C1orf146: variants seen among roughly 807,000 people sequenced by gnomAD.
The protein encoded by C1orf146 is protein SPO16 homolog.
C1orf146 carries 22 observed loss-of-function variants against 23.0 expected under a neutral mutation model. The observed-to-expected ratio is 0.96, with a 90% CI of 0.68 to 1.36. The LOEUF is 1.36. C1orf146 is among the 40% of genes most tolerant of loss of function. The probability of loss-of-function intolerance (pLI) is 0.00; values close to 1 mark genes in which losing one functional copy is unlikely to be tolerated. For synonymous variants in C1orf146, 59 were observed against 65.3 expected (o/e 0.90, Z 0.47); for missense variants, 199 against 206.8 (o/e 0.96, Z 0.23).
intron 1 of C1orf146, among the ~76,000 whole-genome samples, chr1:92,229,667 T>C (rs570606229): frequency 1.3e-5 from 2 of 152,304 alleles, no homozygotes; most frequent in Non-Finnish European, 2.9e-5. Flanking sequence ...AATGAAAAGA[T>C]TGATAAATTT....
chr1:92,230,799 C>T (rs1228368616), intron 1 of C1orf146, among the ~76,000 whole-genome samples: 1 of 151,972 alleles, frequency 6.6e-6, no homozygotes, highest in Non-Finnish European at 1.5e-5. Context: ...TCAGGTCCTA[C>T]CTCACATATT....
chr1:92,238,583 T>A (rs1422476821), intron 2 of C1orf146, among the ~76,000 whole-genome samples: 1 of 152,106 alleles, frequency 6.6e-6, no homozygotes, highest in East Asian at 1.9e-4. Flanking sequence ...TTTTCTCAAT[T>A]CAATACTTTC....
chr1:92,225,743 A>G (rs1292356664), intron 1 of C1orf146, among the ~76,000 whole-genome samples: 1 of 152,196 alleles, frequency 6.6e-6, no homozygotes, highest in Non-Finnish European at 1.5e-5. Context: ...TTCCTGATAT[A>G]TTGACCTTTT....
rs558638441 is a variant in C1orf146, at chr1:92,241,898, C to G, written c.67-314C>G. Reference sequence around the variant, plus strand: ...CAACAAAGTGAGACTTCATCTGTCTCTAAAAAAGAAAAAGAAATTTGCATT... The same window carrying G: ...CAACAAAGTGAGACTTCATCTGTCTGTAAAAAAGAAAAAGAAATTTGCATT... On this transcript the variant is annotated intron_variant, in intron 2 of 5. Transcript: ENST00000370375. Among the ~76,000 whole-genome samples, 3 of 152,170 alleles carry G rather than the reference C, an allele frequency of 2.0e-5. No homozygotes were observed. In the South Asian group the frequency reaches 6.2e-4, roughly 32 times the overall value.
intron 2 of C1orf146, among the ~76,000 whole-genome samples, chr1:92,241,511 G>T (rs1652431579): frequency 6.6e-6 from 1 of 151,332 alleles, no homozygotes; most frequent in African/African-American, 2.4e-5. Flanking sequence ...GTTTTTTGAG[G>T]TAGAGTCTTG....
In C1orf146 at chr1:92,239,651, C is replaced by T. The variant is rs141855426; in HGVS notation, c.67-2561C>T. Among the ~76,000 whole-genome samples, 273 of 151,848 alleles carry T rather than the reference C, an allele frequency of 1.8e-3. 3 individuals are homozygous for T. The highest frequency in any genetic ancestry group is 6.1e-3 in the African/African-American group (250 of 41,278). On this transcript the variant is annotated intron_variant, in intron 2 of 5. Coordinates refer to ENST00000370375, the MANE Select transcript of C1orf146 (RefSeq NM_001012425.2). Reference sequence around the variant, plus strand: ...CCTGTAATTCTAGCTACTTGGGAGGCTGAGGCAGGAGAATCATTTGAATCT... The same window carrying T: ...CCTGTAATTCTAGCTACTTGGGAGGTTGAGGCAGGAGAATCATTTGAATCT...
Position 92,245,646 on chromosome 1 carries a change from T to C in C1orf146, c.515T>C (p.Leu172Pro). 1 of 1,589,964 alleles carries C rather than the reference T, an allele frequency of 6.3e-7. No homozygotes were observed. Among genetic ancestry groups the C allele is most frequent in the Non-Finnish European group, 8.5e-7 (1 of 1,172,214 alleles). ...TGGAAAACACTTCAGAAGATAAAACTGAATAGTGATTCAGTTAACCCAAAT... is the reference window on the plus strand; with the variant it reads ...TGGAAAACACTTCAGAAGATAAAACCGAATAGTGATTCAGTTAACCCAAAT... ...PVWKTLQKIK[L>P]NSDSVNPN The change falls in exon 6 of 6, where the codon CTG becomes CCG. Residue 172 changes from leucine to proline, a missense_variant. Coordinates refer to ENST00000370375, the MANE Select transcript of C1orf146 (RefSeq NM_001012425.2).
chr1:92,217,993 G>A lies in C1orf146; in HGVS notation c.-95G>A, dbSNP rs942072625. ...ACCGGCGGCGCCTCTCACTGCTCACGGAACGTTCTGGAAGTTTGGGAAACC... is the reference window on the plus strand; with the variant it reads ...ACCGGCGGCGCCTCTCACTGCTCACAGAACGTTCTGGAAGTTTGGGAAACC... On this transcript the variant is annotated 5_prime_UTR_variant, in exon 1 of 6. Transcript: ENST00000370375. The A allele has an allele frequency of 6.6e-6, 1 of 152,290 alleles. No individual in the cohort carries two copies. Among genetic ancestry groups the A allele is most frequent in the Non-Finnish European group, 1.5e-5 (1 of 68,100 alleles). 9.4% of individuals were successfully genotyped at this position (152,290 alleles called of 1,614,324 possible).
chr1:92,226,439 C>T (rs1432723973), intron 1 of C1orf146, among the ~76,000 whole-genome samples: 1 of 151,656 alleles, frequency 6.6e-6, no homozygotes, highest in Non-Finnish European at 1.5e-5. Context: ...ACACTTGACC[C>T]AATAATATAA....
chr1:92,240,610 GAAAAT>G (rs1241088542), intron 2 of C1orf146: 1 of 154,320 alleles, frequency 6.5e-6, no homozygotes, highest in Non-Finnish European at 1.4e-5. Context: ...AGGCAAAACA[GAAAAT>G]AAAATTAATC....
intron 4 of C1orf146, 37 bp downstream of exon 4, chr1:92,244,422 T>C: frequency 2.1e-6 from 3 of 1,450,822 alleles, no homozygotes; most frequent in Middle Eastern, 1.9e-4. Context: ...ATTTTTCTTA[T>C]ATTGTATTTA....
chr1:92,233,687 A>C (rs571720052), intron 2 of C1orf146, among the ~76,000 whole-genome samples: 1 of 152,286 alleles, frequency 6.6e-6, no homozygotes, highest in South Asian at 2.1e-4. Flanking sequence ...TTGAATCTAT[A>C]AATTACCTTG....
Position 92,224,006 on chromosome 1 carries a change from GTT to G in C1orf146, c.-40+5961_-40+5962del, listed in dbSNP as rs1409350283. ...CTGGTGCAGTTTTGTTGTTGTTGTT[GTT>G]TTATTTTATTTATTTATTTATTTAT... On this transcript the variant is annotated intron_variant, in intron 1 of 5. Coordinates refer to ENST00000370375, the MANE Select transcript of C1orf146 (RefSeq NM_001012425.2). Among the ~76,000 whole-genome samples, 320 of 146,216 alleles carry G rather than the reference GTT, an allele frequency of 2.2e-3. 2 individuals carry two copies. Among genetic ancestry groups the G allele is most frequent in the South Asian group, 8.7e-3 (40 of 4,624 alleles).
chr1:92,239,115 A>G (rs1229373025), intron 2 of C1orf146, among the ~76,000 whole-genome samples: 1 of 152,148 alleles, frequency 6.6e-6, no homozygotes, highest in Non-Finnish European at 1.5e-5. Flanking sequence ...ATTTTTAAAC[A>G]TATCTTCTAG....
At chr1:92,241,412 G>T (rs916321381) in intron 2 of C1orf146, among the ~76,000 whole-genome samples, 1 of 151,440 alleles carries the variant, frequency 6.6e-6, no homozygotes, top group East Asian at 1.9e-4. Flanking sequence ...ATGTTGCCCC[G>T]GCTGGTCTTG....
At chr1:92,222,318 A>G (rs573124100) in intron 1 of C1orf146, among the ~76,000 whole-genome samples, 1 of 152,204 alleles carries the variant, frequency 6.6e-6, no homozygotes, top group Admixed American at 6.6e-5. Flanking sequence ...ATGCATGTAT[A>G]TATAACATAT....
Position 92,245,615 on chromosome 1 carries a change from C to T in C1orf146, c.484C>T (p.Pro162Ser), listed in dbSNP as rs111556887. Reference protein sequence around the residue: ...TAKAYIIEQSPVWKTLQKIKL... With the variant: ...TAKAYIIEQSSVWKTLQKIKL... Reference sequence around the variant, plus strand: ...TAAAGCTTACATCATTGAGCAAAGTCCTGTTTGGAAAACACTTCAGAAGAT... The same window carrying T: ...TAAAGCTTACATCATTGAGCAAAGTTCTGTTTGGAAAACACTTCAGAAGAT... The change falls in exon 6 of 6, where the codon CCT becomes TCT. Residue 162 changes from proline (P) to serine (S), a missense_variant. Pro to Ser is a moderately conservative substitution (Grantham distance 74, BLOSUM62 -1). Transcript: ENST00000370375. 13 of 1,600,142 alleles carry T rather than the reference C, an allele frequency of 8.1e-6. No individual in the cohort carries two copies. The African/African-American group carries it at 1.2e-4, about 15-fold the overall frequency.
At chr1:92,224,895 A>G (rs1354754572) in intron 1 of C1orf146, among the ~76,000 whole-genome samples, 6 of 151,922 alleles carry the variant, frequency 3.9e-5, no homozygotes, top group Non-Finnish European at 8.8e-5. Context: ...GGCGCGTGCC[A>G]CCACGCCCAG....
At chr1:92,227,575 G>T (rs1048339011) in intron 1 of C1orf146, among the ~76,000 whole-genome samples, 1 of 151,888 alleles carries the variant, frequency 6.6e-6, no homozygotes, top group Admixed American at 6.6e-5. Context: ...ACTTCTCCTG[G>T]TATCTTCTTT....
Sources: gnomAD v4.1 joint callset for allele counts (sites outside exome capture counted in the v4.1 genomes callset) on GRCh38, gnomAD v4.1.1 for gene constraint, MANE v1.5 for transcripts, NCBI Gene and HGNC (gene_info 2026-07-23, HGNC 2026-07-21) for gene names.